TNKS: variants seen among roughly 807,000 people sequenced by gnomAD.
The protein encoded by TNKS is poly [ADP-ribose] polymerase tankyrase-1.
In TNKS, 72 loss-of-function variants were observed where a neutral mutation model predicts 135.8. That is an observed-to-expected ratio of 0.53 (90% CI 0.44 to 0.64). The LOEUF (loss-of-function observed/expected upper bound fraction) is 0.64. Ranked by LOEUF, TNKS falls within the 30% of genes least tolerant of loss-of-function variation. TNKS has a pLI of 0.00. For missense variants in TNKS, 1,769 were observed against 1,674.0 expected, an observed-to-expected ratio of 1.06 and a Z score of -0.99; for synonymous variants, 849 against 649.3, an observed-to-expected ratio of 1.31 and a Z score of -4.68.
intron 3 of TNKS, among the ~76,000 whole-genome samples, chr8:9,657,244 G>A (rs1212502389): frequency 8.3e-5 from 10 of 119,932 alleles, no homozygotes; most frequent in East Asian, 4.7e-4. Flanking sequence ...CTGGCCGGGC[G>A]GGGGGCCGAC....
intron 5 of TNKS, among the ~76,000 whole-genome samples, chr8:9,686,714 A>G (rs969867205): frequency 1.3e-5 from 2 of 152,324 alleles, no homozygotes; most frequent in African/African-American, 2.4e-5. Context: ...TTGAAATGCA[A>G]AAACATAATT....
At chr8:9,638,958 G>C (rs1202975725) in intron 3 of TNKS, among the ~76,000 whole-genome samples, 2 of 152,178 alleles carry the variant, frequency 1.3e-5, no homozygotes, top group African/African-American at 4.8e-5. Flanking sequence ...ATTAAAAAGC[G>C]ATGGAAGTGA....
intron 3 of TNKS, among the ~76,000 whole-genome samples, chr8:9,649,687 T>C (rs1801065810): frequency 6.6e-6 from 1 of 151,776 alleles, no homozygotes; most frequent in South Asian, 2.1e-4. Flanking sequence ...TGCATCCATA[T>C]AGCTTAGCTA....
intron 1 of TNKS, among the ~76,000 whole-genome samples, chr8:9,567,625 G>T (rs1303361235): frequency 6.6e-6 from 1 of 152,182 alleles, no homozygotes; most frequent in African/African-American, 2.4e-5. Context: ...CACCGTGTTA[G>T]CGAGGATGGT....
chr8:9,596,368 C>T (rs1585210631), intron 2 of TNKS, among the ~76,000 whole-genome samples: 2 of 146,854 alleles, frequency 1.4e-5, no homozygotes, highest in South Asian at 4.3e-4. Context: ...TGTAGGGAGT[C>T]CTTCTTACTT....
intron 25 of TNKS, among the ~76,000 whole-genome samples, chr8:9,767,851 C>T (rs745360782): frequency 2.0e-5 from 3 of 150,186 alleles, no homozygotes; most frequent in East Asian, 2.0e-4. Context: ...CCAAGCTACT[C>T]GGGAGGCTGA....
intron 5 of TNKS, among the ~76,000 whole-genome samples, chr8:9,683,178 C>A (rs1305540858): frequency 6.6e-6 from 1 of 151,908 alleles, no homozygotes; most frequent in African/African-American, 2.4e-5. Context: ...TGCAGTAAAG[C>A]CACAGGGTGT....
At position 9,556,464 on chromosome 8, in the gene TNKS, G is replaced by T; in HGVS notation, c.525G>T (p.Gly175=). 1.2e-6 allele frequency: 2 copies of T among 1,614,162 alleles called. No individual in the cohort carries two copies. The highest frequency in any genetic ancestry group is 2.2e-5 in the South Asian group (2 of 91,082). The change falls in exon 1 of 27, where the codon GGG becomes GGT. Residue 175 remains glycine, a synonymous_variant. Coordinates refer to ENST00000310430, the MANE Select transcript of TNKS (RefSeq NM_003747.3). ...CTGGGGCAGCAGGACCTGGGACAGG[G>T]GTCCCAGCAGTGAGCGGGGCCCTAC... ...LGPGAAGPGT[G]VPAVSGALRE...
chr8:9,635,148 C>T (rs1585258525), intron 3 of TNKS, among the ~76,000 whole-genome samples: 1 of 146,796 alleles, frequency 6.8e-6, no homozygotes, highest in Non-Finnish European at 1.5e-5. Flanking sequence ...CCAGCCTGGA[C>T]GACAGAGCGA....
intron 2 of TNKS, 39 bp downstream of exon 2, chr8:9,580,422 G>A: frequency 1.3e-6 from 2 of 1,577,246 alleles, no homozygotes; most frequent in South Asian, 1.1e-5. Flanking sequence ...TTAAATAAAG[G>A]TTTATTCTTA....
chr8:9,652,335 T>C (rs1801178391), intron 3 of TNKS, among the ~76,000 whole-genome samples: 2 of 152,220 alleles, frequency 1.3e-5, no homozygotes, highest in Admixed American at 6.5e-5. Context: ...AAAGTTGATC[T>C]GCATGATTTT....
At chr8:9,774,956 C>T (rs112150834) in intron 26 of TNKS, among the ~76,000 whole-genome samples, 1 of 152,158 alleles carries the variant, frequency 6.6e-6, no homozygotes, top group African/African-American at 2.4e-5. Context: ...TGCCAGCCTG[C>T]GTTCTTTTTA....
At chr8:9,756,773 GTAAA>G (rs1159407355) in intron 20 of TNKS, among the ~76,000 whole-genome samples, 1 of 152,076 alleles carries the variant, frequency 6.6e-6, no homozygotes, top group Non-Finnish European at 1.5e-5. Context: ...ACCAGGCCCT[GTAAA>G]TACAGTTCTC....
At chr8:9,746,990 C>G (rs1353912556) in intron 17 of TNKS, among the ~76,000 whole-genome samples, 1 of 145,686 alleles carries the variant, frequency 6.9e-6, no homozygotes, top group Non-Finnish European at 1.5e-5. Context: ...TCAAGTGATT[C>G]TCTTGCCTCA....
chr8:9,671,478 T>A (rs1322604443), intron 3 of TNKS, among the ~76,000 whole-genome samples: 1 of 152,198 alleles, frequency 6.6e-6, no homozygotes, highest in African/African-American at 2.4e-5. Flanking sequence ...CTTAAAAGCA[T>A]TTATACTAAG....
intron 5 of TNKS, among the ~76,000 whole-genome samples, chr8:9,687,234 G>T (rs1803044123): frequency 6.6e-6 from 1 of 152,136 alleles, no homozygotes; most frequent in Admixed American, 6.5e-5. Context: ...TAGCTCAGAT[G>T]CTACTTGGGA....
intron 17 of TNKS, among the ~76,000 whole-genome samples, chr8:9,746,519 T>A (rs1452619603): frequency 2.0e-5 from 3 of 152,168 alleles, no homozygotes; most frequent in Non-Finnish European, 2.9e-5. Context: ...CCTCTGAGGA[T>A]TTTTCTTCCA....
chr8:9,781,488 G>C lies in TNKS; in HGVS notation c.*4752G>C, dbSNP rs1808454899. ...AGAACACAGATCTTTGAGGCCGATA[G>C]CCTAGACCTAGAAGATGACCTTGAG... is the stretch of plus-strand genomic sequence containing the variant. On this transcript the variant is annotated 3_prime_UTR_variant, in exon 27 of 27. Transcript: ENST00000310430. The C allele has an allele frequency of 6.6e-6, 1 of 152,212 alleles. No individual in the cohort carries two copies. The allele number at this position is 152,212 out of a possible 1,614,324, so 9.4% of individuals were successfully genotyped here. A position where few individuals can be genotyped will look rare whatever the true frequency, so the allele number is the denominator to read the frequency against.
chr8:9,734,757 A>T, intron 15 of TNKS, 108 bp from the exon 16 acceptor site: 1 of 916,102 alleles, frequency 1.1e-6, no homozygotes, highest in Non-Finnish European at 1.6e-6. Flanking sequence ...CATATAGAGT[A>T]GATATCTTCC....
Sources: gnomAD v4.1 joint callset for allele counts (sites outside exome capture counted in the v4.1 genomes callset) on GRCh38, gnomAD v4.1.1 for gene constraint, MANE v1.5 for transcripts, NCBI Gene and HGNC (gene_info 2026-07-23, HGNC 2026-07-21) for gene names.